The following PCBP3 variants were observed in gnomAD, a reference collection of about 807,000 sequenced individuals.
PCBP3 encodes the protein poly(rC) binding protein 3.
Under a neutral mutation model 52.7 loss-of-function variants are expected in PCBP3, and 25 were observed. That is an observed-to-expected ratio of 0.47 (90% CI 0.35 to 0.66). The LOEUF (loss-of-function observed/expected upper bound fraction) is 0.66, where lower values mean the gene tolerates loss of function less well. Among genes scored for constraint, PCBP3 ranks in the 30% least tolerant of loss-of-function variants. The probability of loss-of-function intolerance (pLI) is 0.01; values close to 1 mark genes in which losing one functional copy is unlikely to be tolerated. For synonymous variants in PCBP3, 162 were observed against 183.0 expected (o/e 0.89, Z 0.93); for missense variants, 391 against 490.3 (o/e 0.80, Z 1.91).
At chr21:45,801,106 C>T (rs991467422) in intron 4 of PCBP3, among the ~76,000 whole-genome samples, 2 of 152,238 alleles carry the variant, frequency 1.3e-5, no homozygotes, top group Non-Finnish European at 2.9e-5. Context: ...CCCACTCACC[C>T]GTCCTGTCGT....
chr21:45,910,515 G>A (rs2149262433), intron 10 of PCBP3, among the ~76,000 whole-genome samples: 1 of 152,236 alleles, frequency 6.6e-6, no homozygotes, highest in East Asian at 2.0e-4. Flanking sequence ...TATGCAGCAG[G>A]GCAGCTGCCC....
intron 4 of PCBP3, among the ~76,000 whole-genome samples, chr21:45,836,901 G>C (rs1161863402): frequency 6.6e-6 from 1 of 152,140 alleles, no homozygotes; most frequent in Non-Finnish European, 1.5e-5. Context: ...GTGCCTGGCT[G>C]CATAGTGTTC....
intron 4 of PCBP3, among the ~76,000 whole-genome samples, chr21:45,839,952 G>A (rs2093664785): frequency 6.6e-6 from 1 of 151,982 alleles, no homozygotes; most frequent in African/African-American, 2.4e-5. Flanking sequence ...CTCCCAAAGT[G>A]CTGGGATTAC....
intron 4 of PCBP3, among the ~76,000 whole-genome samples, chr21:45,795,042 G>A (rs529273951): frequency 2.0e-5 from 3 of 152,152 alleles, no homozygotes; most frequent in East Asian, 1.9e-4. Flanking sequence ...AAGATGAAAG[G>A]CATTAAATGG....
chr21:45,895,032 C>T (rs144355569), intron 5 of PCBP3, among the ~76,000 whole-genome samples: 36 of 152,286 alleles, frequency 2.4e-4, no homozygotes, highest in East Asian at 5.8e-4. Flanking sequence ...GTGTAGACAG[C>T]GTAAGCGCGG....
Position 45,917,402 on chromosome 21 carries a change from G to T in PCBP3, c.676-186G>T. On this transcript the variant is annotated intron_variant, in intron 12 of 17. Coordinates refer to ENST00000681687, the MANE Select transcript of PCBP3 (RefSeq NM_001384156.1). The surrounding 1 kb of genome is among the most constrained non-coding windows in gnomAD (Gnocchi z 5.3). ...CTCTGCCCGCCCAGAGGAAGTGGGT[G>T]CGGCTCCCCTGGGGCTCCTGGTGCC... The T allele has an allele frequency of 1.8e-6, 1 of 559,268 alleles. No homozygotes were observed. Among genetic ancestry groups the T allele is most frequent in the Admixed American group, 3.1e-5 (1 of 32,488 alleles). The allele number at this position is 559,268 out of a possible 1,614,324, so 34.6% of individuals were successfully genotyped here. A position where few individuals can be genotyped will look rare whatever the true frequency, so the allele number is the denominator to read the frequency against.
At chr21:45,650,630 C>T (rs2079616103) in intron 1 of PCBP3, among the ~76,000 whole-genome samples, 1 of 151,990 alleles carries the variant, frequency 6.6e-6, no homozygotes, top group Admixed American at 6.6e-5. Context: ...TTTAAATTTT[C>T]TTTTTGTAGA....
intron 14 of PCBP3, among the ~76,000 whole-genome samples, 191 bp downstream of exon 14, chr21:45,930,186 C>T (rs1255205760): frequency 2.6e-5 from 4 of 152,096 alleles, no homozygotes; most frequent in East Asian, 1.9e-4. Flanking sequence ...AGGTGGGTCT[C>T]GCTCCCACTG....
In PCBP3 at chr21:45,838,000, A is replaced by G. The variant is rs995237045; in HGVS notation, c.-125-11961A>G. ...ATCTATGTGGAATAACGTTTGCCTC[A>G]TCCACTAGGGCTGTTTGGTTACCTA... On this transcript the variant is annotated intron_variant, in intron 4 of 17. Transcript: ENST00000681687. This position sits in a 1 kb window ranked among gnomAD's most constrained non-coding sequence, Gnocchi z 4.1. Among the ~76,000 whole-genome samples the G allele has an allele frequency of 6.6e-6, 1 of 152,254 alleles. No individual in the cohort carries two copies. Among genetic ancestry groups the G allele is most frequent in the Non-Finnish European group, 1.5e-5 (1 of 68,042 alleles).
chr21:45,826,683 ATGG>A (rs2093317901), intron 4 of PCBP3, among the ~76,000 whole-genome samples: 1 of 150,526 alleles, frequency 6.6e-6, no homozygotes. Flanking sequence ...ATGGGACGAC[ATGG>A]TGGTGAGTTC....
Position 45,724,871 on chromosome 21 carries a change from T to C in PCBP3, c.-199-10521T>C, listed in dbSNP as rs2084916050. Among the ~76,000 whole-genome samples, 2 of 152,218 alleles carry C rather than the reference T, an allele frequency of 1.3e-5. No individual in the cohort carries two copies. The highest frequency in any genetic ancestry group is 4.1e-4 in the South Asian group (2 of 4,826). ...GCCTCTCTGTGAGGGAGGCACTGAC[T>C]CTCAGGAGATGCTGTCATTGGGATA... is the stretch of plus-strand genomic sequence containing the variant. On this transcript the variant is annotated intron_variant, in intron 2 of 17. Coordinates refer to ENST00000681687, the MANE Select transcript of PCBP3 (RefSeq NM_001384156.1). This position sits in a 1 kb window ranked among gnomAD's most constrained non-coding sequence, Gnocchi z 5.3.
chr21:45,669,696 C>G (rs543898729), intron 2 of PCBP3, among the ~76,000 whole-genome samples: 1 of 151,020 alleles, frequency 6.6e-6, no homozygotes, highest in Admixed American at 6.6e-5. Flanking sequence ...TTGTGACTGG[C>G]TTATTTAATG....
At position 45,905,000 on chromosome 21, in the gene PCBP3, C is replaced by T. The variant is rs1246665494; in HGVS notation, c.339+3887C>T. Among the ~76,000 whole-genome samples the T allele has an allele frequency of 2.6e-5, 4 of 152,168 alleles. No individual in the cohort carries two copies. The highest frequency in any genetic ancestry group is 2.9e-5 in the Non-Finnish European group (2 of 68,022). On this transcript the variant is annotated intron_variant, in intron 9 of 17. Coordinates refer to ENST00000681687, the MANE Select transcript of PCBP3 (RefSeq NM_001384156.1). The surrounding 1 kb of genome is among the most constrained non-coding windows in gnomAD (Gnocchi z 4.8). ...TGAGTAGTTTCATGGATTGACTTAG[C>T]GAATATCTGTTTGAAATCATCTGGT...
At chr21:45,752,046 A>G (rs956785235) in intron 3 of PCBP3, among the ~76,000 whole-genome samples, 2 of 152,122 alleles carry the variant, frequency 1.3e-5, no homozygotes, top group African/African-American at 4.8e-5. Context: ...CCTGTGGAAT[A>G]TGCTGCAAAT....
At chr21:45,646,107 C>CTCTCTGTGTGTGTGTGTGTG (rs1555895746) in intron 1 of PCBP3, among the ~76,000 whole-genome samples, 14 of 83,820 alleles carry the variant, frequency 1.7e-4, no homozygotes, top group African/African-American at 2.4e-4. Context: ...CTCTCTCTCT[C>CTCTCTGTGTGTGTGTGTGTG]TGTGTGTGTG....
chr21:45,795,292 A>T (rs2091863398), intron 4 of PCBP3, among the ~76,000 whole-genome samples: 1 of 151,136 alleles, frequency 6.6e-6, no homozygotes, highest in Non-Finnish European at 1.5e-5. Context: ...GGGGACACAG[A>T]GGACACTTGT....
intron 9 of PCBP3, among the ~76,000 whole-genome samples, chr21:45,905,508 G>T (rs2096179561): frequency 6.6e-6 from 1 of 152,242 alleles, no homozygotes; most frequent in Non-Finnish European, 1.5e-5. Context: ...GCAGCACACT[G>T]TCCCAGCCTG....
rs537566394 is a variant in PCBP3 at position 45,685,018 on chromosome 21, G to A, written c.-200+16066G>A. 2.0e-5 allele frequency among the ~76,000 whole-genome samples: 3 copies of A among 152,294 alleles called. No homozygotes were observed. The East Asian group carries it at 5.8e-4, about 29-fold the overall frequency. ...ACCATCAATGTATATCCCTGTGACT[G>A]TCTACCATATCAGCTTGTTGGCTTG... On this transcript the variant is annotated intron_variant, in intron 2 of 17. Coordinates refer to ENST00000681687, the MANE Select transcript of PCBP3 (RefSeq NM_001384156.1).
intron 4 of PCBP3, among the ~76,000 whole-genome samples, chr21:45,820,907 G>T (rs891642102): frequency 2.6e-5 from 4 of 152,116 alleles, no homozygotes; most frequent in Admixed American, 1.3e-4. Context: ...TCAGGACCCT[G>T]CGGGATACAG....
Sources: allele counts gnomAD v4.1 joint callset (sites outside exome capture counted in the v4.1 genomes callset), GRCh38; gene constraint gnomAD v4.1.1; non-coding constraint Gnocchi (gnomAD v3.1); transcripts MANE v1.5; gene names NCBI Gene and HGNC (gene_info 2026-07-23, HGNC 2026-07-21).